The following SLC26A9 variants were observed in gnomAD, a reference collection of about 807,000 sequenced individuals.
SLC26A9 encodes anion transporter/exchanger protein 9.
SLC26A9 carries 46 observed loss-of-function variants against 87.1 expected under a neutral mutation model. That is an observed-to-expected ratio of 0.53 (90% CI 0.42 to 0.67). The LOEUF (loss-of-function observed/expected upper bound fraction) is 0.67. Ranked by LOEUF, SLC26A9 falls within the 30% of genes least tolerant of loss-of-function variation. SLC26A9 has a pLI of 0.00. For synonymous variants in SLC26A9, 437 were observed against 409.1 expected (o/e 1.07, Z -0.82); for missense variants, 927 against 1,018.3 (o/e 0.91, Z 1.22).
chr1:205,920,009 C>A (rs1329792447), intron 18 of SLC26A9, among the ~76,000 whole-genome samples, 167 bp downstream of exon 18: 1 of 152,142 alleles, frequency 6.6e-6, no homozygotes, highest in African/African-American at 2.4e-5. Context: ...GCAATCTGAC[C>A]AGTCTCTTTG....
At chr1:205,940,038 G>T (rs183659929) in intron 1 of SLC26A9, among the ~76,000 whole-genome samples, 114 of 152,286 alleles carry the variant, frequency 7.5e-4, no homozygotes, top group Middle Eastern at 6.8e-3. Context: ...TGCAGGGAAG[G>T]GGGGCAGGTC....
chr1:205,935,898 G>A (rs976105532), intron 1 of SLC26A9, 60 bp from the exon 2 acceptor site: 4 of 1,528,082 alleles, frequency 2.6e-6, no homozygotes, highest in Admixed American at 4.0e-5. Flanking sequence ...GCCAGCCCAG[G>A]CCTTCTCTCT....
At chr1:205,928,290 A>C (rs12036341) in intron 8 of SLC26A9, 78,075 of 550,200 alleles carry the variant, frequency 0.14, 9,959 homozygotes, top group East Asian at 0.58. Context: ...CCGGGCCAGT[A>C]TGTGGTAGGG....
At chr1:205,918,570 G>T (rs932414231) in intron 19 of SLC26A9, among the ~76,000 whole-genome samples, 3 of 152,134 alleles carry the variant, frequency 2.0e-5, no homozygotes, top group Admixed American at 6.5e-5. Flanking sequence ...TATTGATAAA[G>T]AATTTTTACA....
chr1:205,935,059 C>T (rs113277717), intron 2 of SLC26A9: 2 of 152,216 alleles, frequency 1.3e-5, no homozygotes, highest in East Asian at 3.9e-4. Context: ...GGGTGACACC[C>T]GCAGCCCCAG....
chr1:205,916,431 CAAT>C (rs1490105565), intron 20 of SLC26A9, among the ~76,000 whole-genome samples: 1 of 152,180 alleles, frequency 6.6e-6, no homozygotes, highest in Non-Finnish European at 1.5e-5. Context: ...TGTCCACATG[CAAT>C]AATAATTCAT....
Position 205,921,756 on chromosome 1 carries a change from A to G in SLC26A9, c.1865T>C (p.Val622Ala), listed in dbSNP as rs747838445. 1 of 1,597,640 alleles carries G rather than the reference A, an allele frequency of 6.3e-7. No individual in the cohort carries two copies. The highest frequency in any genetic ancestry group is 1.8e-5 in the Admixed American group (1 of 57,132). The change falls in exon 17 of 21, where the codon GTG becomes GCG. Residue 622 changes from valine (V) to alanine (A), a missense_variant. Val to Ala is a moderately conservative substitution (Grantham distance 64, BLOSUM62 0). Transcript: ENST00000367135. ...GTCAGGGCTGAAGGTGATATAGGAC[A>G]CGCTGGTGCCGTTAGCCGGGGTCTG... ...NNQTPANGTS[V>A]SYITFSPDSS...
At chr1:205,915,517 CCTGTGTGTGTGT>C in intron 20 of SLC26A9, 113 bp from the exon 21 acceptor site, 3 of 1,159,138 alleles carry the variant, frequency 2.6e-6, no homozygotes, top group Non-Finnish European at 3.6e-6. Context: ...GAACAAAGCA[CCTGTGTGTGTGT>C]GTGTGTGTGT....
chr1:205,931,383 T>G (rs116090311), intron 5 of SLC26A9, among the ~76,000 whole-genome samples: 2,594 of 151,834 alleles, frequency 0.017, 71 homozygotes, highest in African/African-American at 0.059. Context: ...TCGTGCTACA[T>G]GCAGATGAGG....
At chr1:205,925,639 G>A (rs115900365) in intron 12 of SLC26A9, among the ~76,000 whole-genome samples, 4,458 of 152,212 alleles carry the variant, frequency 0.029, 207 homozygotes, top group African/African-American at 0.1. Context: ...GCCCTAGGTG[G>A]GTGAGACTGC....
At chr1:205,916,620 G>A (rs1344882930) in intron 20 of SLC26A9, among the ~76,000 whole-genome samples, 1 of 152,192 alleles carries the variant, frequency 6.6e-6, no homozygotes, top group Non-Finnish European at 1.5e-5. Context: ...ATCTTGTGTG[G>A]TGGATGGGAC....
chr1:205,921,859 G>T lies in SLC26A9; in HGVS notation c.1774-12C>A. 2 of 1,600,104 alleles carry T rather than the reference G, an allele frequency of 1.2e-6. No individual in the cohort carries two copies. The highest frequency in any genetic ancestry group is 8.5e-7 in the Non-Finnish European group (1 of 1,175,162). On this transcript the variant is annotated splice_polypyrimidine_tract_variant and intron_variant, in intron 16 of 20. Coordinates refer to ENST00000367135, the MANE Select transcript of SLC26A9 (RefSeq NM_052934.4). ...TGCAGGGAGACAGTCTGGAAGGGTG[G>T]GGACAGTGGGCAGAGTCAGGGACCA...
chr1:205,940,777 G>A (rs971587640), intron 1 of SLC26A9, among the ~76,000 whole-genome samples: 4 of 152,168 alleles, frequency 2.6e-5, no homozygotes, highest in Non-Finnish European at 4.4e-5. Context: ...TGTCACTGTG[G>A]GCCAGGCTGA....
chr1:205,934,850 G>T (rs1046638279), intron 2 of SLC26A9, among the ~76,000 whole-genome samples: 2 of 152,220 alleles, frequency 1.3e-5, no homozygotes. Context: ...GAGAAACAGG[G>T]CTGGGCTGGG....
At position 205,921,682 on chromosome 1, in the gene SLC26A9, C is replaced by CG; in HGVS notation, c.1938dup (p.Gly647ArgfsTer5). The CG allele has an allele frequency of 6.3e-7, 1 of 1,597,398 alleles. No homozygotes were observed. The highest frequency in any genetic ancestry group is 1.1e-5 in the South Asian group (1 of 88,672). On this transcript the variant is annotated frameshift_variant, in exon 17 of 21. Transcript: ENST00000367135. LOFTEE classifies it high-confidence loss of function. ...CTGGCCAGCATGTCACTGGGCTCGC[C>CG]GGGGGCCTCAGCGGAGGCTGGTGGC...
chr1:205,924,420 C>A lies in SLC26A9; in HGVS notation c.1459G>T (p.Ala487Ser). 6.2e-7 allele frequency: 1 copy of A among 1,614,118 alleles called. No individual in the cohort carries two copies. ...SLPYGVAVGV[A>S]FSVLVVVFQT... is the part of the protein sequence containing the mutation. ...AAGACCACGACCAGGACGGAGAAGG[C>A]GACACCCACTGCCACACCATAGGGC... Residue 487 changes from alanine to serine, a missense_variant, in exon 13 of 21, where the codon GCC becomes TCC. Coordinates refer to ENST00000367135, the MANE Select transcript of SLC26A9 (RefSeq NM_052934.4).
Position 205,918,815 on chromosome 1 carries a change from G to A in SLC26A9, c.2256+25C>T. Reference sequence around the variant, plus strand: ...GCTATTTCAGTGCCTTGGAGCCTAGGATTCCCCAGGTGCAAGAACCTTACC... The same window carrying A: ...GCTATTTCAGTGCCTTGGAGCCTAGAATTCCCCAGGTGCAAGAACCTTACC... On this transcript the variant is annotated intron_variant, in intron 19 of 20. Transcript: ENST00000367135. The A allele has an allele frequency of 3.1e-6, 5 of 1,601,354 alleles. No individual in the cohort carries two copies. In the South Asian group the frequency reaches 3.3e-5, roughly 11 times the overall value.
At chr1:205,936,614 C>T (rs1206505221) in intron 1 of SLC26A9, among the ~76,000 whole-genome samples, 1 of 152,140 alleles carries the variant, frequency 6.6e-6, no homozygotes, top group African/African-American at 2.4e-5. Flanking sequence ...TTCCCCCTCC[C>T]TCTTCCAATT....
At chr1:205,919,226 AGTAC>A (rs1558119105) in intron 18 of SLC26A9, among the ~76,000 whole-genome samples, 1 of 152,218 alleles carries the variant, frequency 6.6e-6, no homozygotes, top group Non-Finnish European at 1.5e-5. Context: ...TTAGGGAGTC[AGTAC>A]TTTGTGGTGA....
Sources: allele counts gnomAD v4.1 joint callset (sites outside exome capture counted in the v4.1 genomes callset), GRCh38; gene constraint gnomAD v4.1.1; transcripts MANE v1.5; gene names NCBI Gene and HGNC (gene_info 2026-07-23, HGNC 2026-07-21).